Variants in RBM41 observed in about 807,000 individuals in gnomAD.
The protein encoded by RBM41 is RNA binding motif protein 41, also known as RNA-binding protein 41.
In RBM41, 14 loss-of-function variants were observed where a neutral mutation model predicts 30.8. The ratio of observed to expected loss-of-function variants is 0.45; its 90% CI spans 0.30 to 0.71. The LOEUF is 0.71. Ranked by LOEUF, RBM41 falls within the 30% of genes least tolerant of loss-of-function variation. RBM41 has a pLI of 0.08. For missense variants in RBM41, 276 were observed against 326.3 expected, an observed-to-expected ratio of 0.85 and a Z score of 1.19; for synonymous variants, 120 against 110.1, an observed-to-expected ratio of 1.09 and a Z score of -0.56.
At position 107,062,936 on chromosome X, in the gene RBM41, T is replaced by C. The variant is rs761085407; in HGVS notation, c.*4591A>G. Among the ~76,000 whole-genome samples the C allele has an allele frequency of 9.9e-4, 111 of 112,171 alleles. No individual in the cohort carries two copies. Among genetic ancestry groups the C allele is most frequent in the African/African-American group, 3.3e-3 (102 of 30,926 alleles). On this transcript the variant is annotated 3_prime_UTR_variant, in exon 8 of 8. Coordinates refer to ENST00000685964, the MANE Select transcript of RBM41 (RefSeq NM_001324242.2). Reference sequence around the variant, plus strand: ...GTATAGGTCATAATATATTCATAGATACACTTCACTATTTTAATGGCTGCA... The same window carrying C: ...GTATAGGTCATAATATATTCATAGACACACTTCACTATTTTAATGGCTGCA...
rs1392113320 is a variant in RBM41, at chrX:107,064,438, C to T, written c.*3089G>A. 3.0e-5 allele frequency: 3 copies of T among 101,014 alleles called. No individual in the cohort carries two copies. The highest frequency in any genetic ancestry group is 1.1e-4 in the African/African-American group (3 of 26,976). 8.3% of individuals were successfully genotyped at this position (101,014 alleles called of 1,213,427 possible). On this transcript the variant is annotated 3_prime_UTR_variant, in exon 8 of 8. Coordinates refer to ENST00000685964, the MANE Select transcript of RBM41 (RefSeq NM_001324242.2). Reference sequence around the variant, plus strand: ...TTTTTTTGGTAATGACAGGGTCTTGCTGTGTTGCCCAGGCTGGTCTTGAAT... The same window carrying T: ...TTTTTTTGGTAATGACAGGGTCTTGTTGTGTTGCCCAGGCTGGTCTTGAAT...
At chrX:107,076,492 A>C (rs1416760722) in intron 6 of RBM41, among the ~76,000 whole-genome samples, 1 of 110,841 alleles carries the variant, frequency 9.0e-6, no homozygotes, top group Admixed American at 9.7e-5. Flanking sequence ...CAAATATTGC[A>C]TGATTCCACT....
chrX:107,102,681 C>T (rs931760657), intron 5 of RBM41, among the ~76,000 whole-genome samples: 7 of 111,388 alleles, frequency 6.3e-5, no homozygotes, highest in Non-Finnish European at 1.3e-4. Flanking sequence ...AGGATGATTA[C>T]AAGAGCAAAG....
intron 5 of RBM41, among the ~76,000 whole-genome samples, chrX:107,098,112 GAAGA>G (rs1345437304): frequency 1.8e-5 from 2 of 111,761 alleles, no homozygotes; most frequent in Admixed American, 9.5e-5. Context: ...CAAAAGGTGA[GAAGA>G]AATAGAAAAC....
intron 5 of RBM41, among the ~76,000 whole-genome samples, chrX:107,096,673 CCTT>C (rs1446455469): frequency 9.0e-6 from 1 of 111,533 alleles, no homozygotes; most frequent in Non-Finnish European, 1.9e-5. Context: ...ATCTTTCTGA[CCTT>C]GAGTTCAGCA....
At chrX:107,095,909 C>T (rs958595704) in intron 5 of RBM41, among the ~76,000 whole-genome samples, 7 of 110,721 alleles carry the variant, frequency 6.3e-5, no homozygotes, top group Admixed American at 1.9e-4. Flanking sequence ...CCTAGCTATT[C>T]GGGAGGCTGA....
downstream of RBM41, among the ~76,000 whole-genome samples, chrX:107,061,766 T>C (rs1257634249): frequency 1.8e-5 from 2 of 110,987 alleles, no homozygotes; most frequent in African/African-American, 6.7e-5. Context: ...TAACTGATGA[T>C]TTCTGCTGAC....
At chrX:107,111,039 A>C (rs971077667) in intron 5 of RBM41, among the ~76,000 whole-genome samples, 1 of 111,517 alleles carries the variant, frequency 9.0e-6, no homozygotes, top group Non-Finnish European at 1.9e-5. Context: ...AACAAAAGAA[A>C]AAAATCAACA....
rs1204691746 is a variant in RBM41 at position 107,064,288 on chromosome X, G to T, written c.*3239C>A. 1 of 111,133 alleles carries T rather than the reference G, an allele frequency of 9.0e-6. No individual in the cohort carries two copies. Among genetic ancestry groups the T allele is most frequent in the Non-Finnish European group, 1.9e-5 (1 of 53,042 alleles). The allele number at this position is 111,133 out of a possible 1,213,427, so 9.2% of individuals were successfully genotyped here. A position where few individuals can be genotyped will look rare whatever the true frequency, so the allele number is the denominator to read the frequency against. ...TTAAGTACAGGCATTTGTACCTATA[G>T]ATTTCCCTGTAAACACTGCTTTAGC... On this transcript the variant is annotated 3_prime_UTR_variant, in exon 8 of 8. Transcript: ENST00000685964.
intron 6 of RBM41, among the ~76,000 whole-genome samples, chrX:107,080,734 G>A (rs1193050095): frequency 8.9e-6 from 1 of 112,332 alleles, no homozygotes; most frequent in Non-Finnish European, 1.9e-5. Flanking sequence ...TCGAGTAGGT[G>A]TGTAGTGGCA....
intron 4 of RBM41, among the ~76,000 whole-genome samples, chrX:107,113,998 T>C (rs1166707633): frequency 9.0e-6 from 1 of 111,622 alleles, no homozygotes; most frequent in Non-Finnish European, 1.9e-5. Flanking sequence ...GATCCTGCCA[T>C]TCTCACAAAT....
chrX:107,054,089 G>T, the RBM41 span, among the ~76,000 whole-genome samples: 1 of 110,468 alleles, frequency 9.1e-6, no homozygotes, highest in Non-Finnish European at 1.9e-5. Flanking sequence ...AGAGCGAAAG[G>T]GGGTAAGAGA....
chrX:107,077,748 T>C (rs888348086), intron 6 of RBM41, among the ~76,000 whole-genome samples: 11 of 111,789 alleles, frequency 9.8e-5, no homozygotes, highest in Admixed American at 2.9e-4. Flanking sequence ...TTCAACTTCA[T>C]GTAATATAGC....
rs1444720872 is a variant in RBM41 at position 107,065,634 on chromosome X, AG to A, written c.*1892del. 9.8e-5 allele frequency: 64 copies of A among 652,124 alleles called. No homozygotes were observed. Among genetic ancestry groups the A allele is most frequent in the Non-Finnish European group, 1.4e-4 (63 of 461,490 alleles). 53.7% of individuals were successfully genotyped at this position (652,124 alleles called of 1,213,427 possible). ...GAGAGAAGAGTAAGTATATGTTTATAGTTTTTTTATATTAAACTTATTTCCT... is the reference window on the plus strand; with the variant it reads ...GAGAGAAGAGTAAGTATATGTTTATATTTTTTTATATTAAACTTATTTCCT... On this transcript the variant is annotated 3_prime_UTR_variant, in exon 8 of 8. Transcript: ENST00000685964.
chrX:107,114,320 A>AG (rs1184411514), intron 4 of RBM41: 1 of 111,871 alleles, frequency 8.9e-6, no homozygotes, highest in African/African-American at 3.2e-5. Context: ...ATTGACCACC[A>AG]GATTAATAAT....
intron 5 of RBM41, among the ~76,000 whole-genome samples, chrX:107,104,615 G>A (rs1341700873): frequency 2.7e-5 from 3 of 111,189 alleles, no homozygotes; most frequent in African/African-American, 9.8e-5. Flanking sequence ...AAAAGAAGAA[G>A]ATCTTGTCAA....
chrX:107,055,570 C>CTT, the RBM41 span, among the ~76,000 whole-genome samples: 2 of 112,304 alleles, frequency 1.8e-5, no homozygotes, highest in Non-Finnish European at 3.8e-5. Flanking sequence ...GTGATCTGCC[C>CTT]GCCTTGGCCT....
At chrX:107,069,186 A>G (rs751900938) in intron 7 of RBM41, 69 bp downstream of exon 7, 1 of 922,292 alleles carries the variant, frequency 1.1e-6, no homozygotes, top group South Asian at 2.6e-5. Context: ...TATCTAAATT[A>G]GAGAGGTTAT....
chrX:107,094,400 T>A (rs1057443432), intron 5 of RBM41, among the ~76,000 whole-genome samples: 1 of 112,170 alleles, frequency 8.9e-6, no homozygotes, highest in African/African-American at 3.2e-5. Flanking sequence ...TGGTGTAACA[T>A]CTAAAAATCA....
Sources: allele counts gnomAD v4.1 joint callset (sites outside exome capture counted in the v4.1 genomes callset), GRCh38; gene constraint gnomAD v4.1.1; transcripts MANE v1.5; gene names NCBI Gene and HGNC (gene_info 2026-07-23, HGNC 2026-07-21).